The following ANK2 variants were observed in gnomAD, a reference collection of about 807,000 sequenced individuals.
ANK2 encodes ankyrin-2.
Under a neutral mutation model 360.5 loss-of-function variants are expected in ANK2, and 83 were observed. The ratio of observed to expected loss-of-function variants is 0.23; its 90% CI spans 0.19 to 0.28. ANK2 has a LOEUF of 0.28. Among genes scored for constraint, ANK2 ranks in the 10% least tolerant of loss-of-function variants. ANK2 has a pLI of 1.00. For missense variants in ANK2, 4,201 were observed against 4,795.7 expected (o/e 0.88, Z 3.66); for synonymous variants, 1,740 against 1,759.5 (o/e 0.99, Z 0.28).
At chr4:112,919,841 A>T (rs185469123) in intron 2 of ANK2, among the ~76,000 whole-genome samples, 1 of 152,304 alleles carries the variant, frequency 6.6e-6, no homozygotes, top group East Asian at 1.9e-4. Context: ...ATCTTAATGC[A>T]AGAATAAATA....
intron 1 of ANK2, among the ~76,000 whole-genome samples, chr4:112,850,930 T>G (rs2064825461): frequency 6.6e-6 from 1 of 152,148 alleles, no homozygotes; most frequent in Non-Finnish European, 1.5e-5. Flanking sequence ...CTTAAAAAAT[T>G]TAGTTTCAAC....
In ANK2 at chr4:113,323,770, C is replaced by A. The variant is rs564921294; in HGVS notation, c.2900+5150C>A. 119 of 1,611,994 alleles carry A rather than the reference C, an allele frequency of 7.4e-5. 1 individual carries two copies. In the South Asian group the frequency reaches 1.2e-3, roughly 16 times the overall value. On this transcript the variant is annotated intron_variant, in intron 26 of 45. Coordinates refer to ENST00000357077, the MANE Select transcript of ANK2 (RefSeq NM_001148.6). ...CTATTCTGTTGCAGCCGCGCCTCTCCATGTCTTGAACGTGACAACAGCAGG... is the reference window on the plus strand; with the variant it reads ...CTATTCTGTTGCAGCCGCGCCTCTCAATGTCTTGAACGTGACAACAGCAGG...
chr4:113,264,819 C>A, intron 13 of ANK2, 78 bp from the exon 14 acceptor site: 1 of 1,440,094 alleles, frequency 6.9e-7, no homozygotes, highest in African/African-American at 1.4e-5. Flanking sequence ...CTGAATTTCA[C>A]AAAAAGGGAC....
chr4:113,318,693 A>C (rs1357268820), intron 26 of ANK2, 73 bp downstream of exon 26: 2 of 1,291,846 alleles, frequency 1.5e-6, no homozygotes, highest in East Asian at 2.5e-5. Flanking sequence ...AGCTTTGTCC[A>C]GTAGCTTTAG....
intron 1 of ANK2, among the ~76,000 whole-genome samples, chr4:113,073,197 C>T (rs901636027): frequency 6.6e-6 from 1 of 151,778 alleles, no homozygotes; most frequent in Non-Finnish European, 1.5e-5. Flanking sequence ...CTAAGGTGAT[C>T]CACCTGTCTC....
chr4:113,204,093 A>G (rs1244015531), intron 4 of ANK2, among the ~76,000 whole-genome samples: 2 of 152,254 alleles, frequency 1.3e-5, no homozygotes, highest in East Asian at 3.9e-4. Flanking sequence ...AAAAAAATAT[A>G]ATTTTTAGTT....
chr4:112,873,890 G>A (rs2074119948), intron 1 of ANK2, among the ~76,000 whole-genome samples: 1 of 151,882 alleles, frequency 6.6e-6, no homozygotes, highest in Non-Finnish European at 1.5e-5. Flanking sequence ...AGAATATACT[G>A]TGTATGATTT....
At chr4:112,749,039 A>G in the ANK2 span, among the ~76,000 whole-genome samples, 6 of 152,324 alleles carry the variant, frequency 3.9e-5, no homozygotes, top group South Asian at 1.0e-3. Flanking sequence ...AGCTGGGATT[A>G]CAGGCGTGTG....
chr4:112,990,396 A>G (rs1402577246), intron 2 of ANK2, among the ~76,000 whole-genome samples: 1 of 152,164 alleles, frequency 6.6e-6, no homozygotes, highest in Non-Finnish European at 1.5e-5. Flanking sequence ...CCTCTTAGAT[A>G]TTATTATAGA....
rs373269411 is a variant in ANK2 at position 113,008,854 on chromosome 4, C to A, written c.21+104340C>A. Among the ~76,000 whole-genome samples the A allele has an allele frequency of 9.3e-4, 141 of 152,146 alleles. 1 individual carries two copies. The highest frequency in any genetic ancestry group is 3.2e-3 in the African/African-American group (131 of 41,508). ...GATAGGAGCAGTCCAGTCCAGCTGT[C>A]CCACAGACTCAGCCTGTTCATTGGG... is the stretch of plus-strand genomic sequence containing the variant. On this transcript the variant is annotated intron_variant, in intron 2 of 30. Coordinates refer to the ANK2 transcript ENST00000503271.
intron 1 of ANK2, chr4:113,145,629 C>T (rs898789497): frequency 2.7e-4 from 296 of 1,103,462 alleles, no homozygotes; most frequent in Non-Finnish European, 3.2e-4. Flanking sequence ...AGACTGGCAG[C>T]GCCTGCACTG....
intron 5 of ANK2, among the ~76,000 whole-genome samples, chr4:113,235,386 T>G (rs926673594): frequency 8.5e-5 from 13 of 152,222 alleles, no homozygotes; most frequent in African/African-American, 2.7e-4. Context: ...TTGCTGGTAC[T>G]GCACATTGAT....
rs2084555203 is a variant in ANK2, at chr4:113,319,079, A to G, written c.2900+459A>G. On this transcript the variant is annotated intron_variant, in intron 26 of 45. Coordinates refer to ENST00000357077, the MANE Select transcript of ANK2 (RefSeq NM_001148.6). Reference sequence around the variant, plus strand: ...ACAGAAGCTTGAATCACACAAATATATAGAGGAGTTTATATATTGTTTGAA... The same window carrying G: ...ACAGAAGCTTGAATCACACAAATATGTAGAGGAGTTTATATATTGTTTGAA... 5.9e-5 allele frequency among the ~76,000 whole-genome samples: 9 copies of G among 152,316 alleles called. 1 individual carries two copies. The South Asian group carries it at 1.9e-3, about 32-fold the overall frequency.
At chr4:113,003,240 A>G (rs73840986) in intron 2 of ANK2, among the ~76,000 whole-genome samples, 21,797 of 152,186 alleles carry the variant, frequency 0.14, 1,963 homozygotes, top group East Asian at 0.39. Flanking sequence ...AATTTTTTAT[A>G]TAATTGCAAG....
chr4:113,049,670 T>C lies in ANK2; in HGVS notation c.-59T>C, dbSNP rs770937235. On this transcript the variant is annotated 5_prime_UTR_variant, in exon 1 of 46. Coordinates refer to ENST00000357077, the MANE Select transcript of ANK2 (RefSeq NM_001148.6). ...CCTCCAGTAAGTGCATACCCGCTAG[T>C]GGTCTGTACAGGCGGCACGGTTTGA... 8.9e-6 allele frequency: 14 copies of C among 1,574,610 alleles called. No homozygotes were observed. The highest frequency in any genetic ancestry group is 1.2e-5 in the Non-Finnish European group (14 of 1,157,410).
chr4:113,229,070 C>A (rs2099259719), intron 4 of ANK2, among the ~76,000 whole-genome samples: 1 of 152,192 alleles, frequency 6.6e-6, no homozygotes, highest in Admixed American at 6.5e-5. Flanking sequence ...TGCACATATT[C>A]AAGCTTTGTT....
intron 2 of ANK2, among the ~76,000 whole-genome samples, chr4:113,013,479 T>C (rs2055474819): frequency 6.6e-6 from 1 of 152,222 alleles, no homozygotes; most frequent in South Asian, 2.1e-4. Context: ...GCTCTATTTT[T>C]CTAATTATAG....
chr4:113,253,380 A>T (rs953901015), intron 10 of ANK2, among the ~76,000 whole-genome samples: 15 of 152,108 alleles, frequency 9.9e-5, no homozygotes, highest in African/African-American at 3.6e-4. Flanking sequence ...TCTATCTTTA[A>T]GTAGTACCTG....
intron 24 of ANK2, among the ~76,000 whole-genome samples, chr4:113,316,962 TTAGA>T (rs1000487543): frequency 6.6e-6 from 1 of 152,234 alleles, no homozygotes; most frequent in African/African-American, 2.4e-5. Flanking sequence ...GGGCTGGAGC[TTAGA>T]TACAGTTTCT....
Sources: allele counts gnomAD v4.1 joint callset (sites outside exome capture counted in the v4.1 genomes callset), GRCh38; gene constraint gnomAD v4.1.1; transcripts MANE v1.5; gene names NCBI Gene and HGNC (gene_info 2026-07-23, HGNC 2026-07-21).